Variants in AMPD1 observed in about 807,000 individuals in gnomAD.
AMPD1 encodes the protein AMP deaminase 1.
A neutral mutation model predicts 82.9 loss-of-function variants in AMPD1; 74 were observed. That is an observed-to-expected ratio of 0.89 (90% confidence interval 0.74 to 1.08). The LOEUF is 1.08. Ranked by LOEUF, AMPD1 falls within the 50% of genes least tolerant of loss-of-function variation. The probability of loss-of-function intolerance (pLI) is 0.00; values close to 1 mark genes in which losing one functional copy is unlikely to be tolerated. For synonymous variants in AMPD1, 333 were observed against 320.5 expected, an observed-to-expected ratio of 1.04 and a Z score of -0.42; for missense variants, 881 against 924.5, an observed-to-expected ratio of 0.95 and a Z score of 0.61.
At chr1:114,686,141 A>C (rs1382112757) in intron 4 of AMPD1, among the ~76,000 whole-genome samples, 1 of 152,184 alleles carries the variant, frequency 6.6e-6, no homozygotes, top group Non-Finnish European at 1.5e-5. Context: ...GTCTGTTCCA[A>C]GTAATGATCT....
At chr1:114,682,976 C>T (rs1450169515) in intron 5 of AMPD1, among the ~76,000 whole-genome samples, 1 of 152,094 alleles carries the variant, frequency 6.6e-6, no homozygotes, top group African/African-American at 2.4e-5. Context: ...TATAAAGATG[C>T]TTATTGTACC....
At chr1:114,673,362 A>G (rs931945435) in intron 15 of AMPD1, 90 bp from the exon 16 acceptor site, 47 of 1,452,258 alleles carry the variant, frequency 3.2e-5, no homozygotes, top group Non-Finnish European at 4.3e-5. Flanking sequence ...TTCCTTCCTT[A>G]TGTTAGCCAC....
chr1:114,680,322 G>C lies in AMPD1; in HGVS notation c.704C>G (p.Pro235Arg), dbSNP rs141559920. The C allele has an allele frequency of 1.1e-5, 17 of 1,614,088 alleles. No individual in the cohort carries two copies. The highest frequency in any genetic ancestry group is 1.4e-5 in the Non-Finnish European group (16 of 1,180,052). Residue 235 changes from proline (P) to arginine (R), a missense_variant, in exon 6 of 16, where the codon CCA (proline) becomes CGA (arginine). Physicochemically the swap from Pro to Arg is moderately radical, Grantham distance 103. Around this residue, in one of 2 missense-constraint regions of AMPD1, gnomAD observed 783 missense variants for 786.4 expected, o/e 1.00. Coordinates refer to ENST00000520113, the MANE Select transcript of AMPD1 (RefSeq NM_000036.3). ...SKDEPKPLPY[P>R]NLDTFLDDMN... Reference sequence around the variant, plus strand: ...ATCGTCTAAGAAGGTGTCCAGATTTGGGTAAGGAAGTGGCTTAGGCTCATC... The same window carrying C: ...ATCGTCTAAGAAGGTGTCCAGATTTCGGTAAGGAAGTGGCTTAGGCTCATC...
At chr1:114,692,755 T>TA (rs1491013859) in intron 2 of AMPD1, among the ~76,000 whole-genome samples, 1 of 63,242 alleles carries the variant, frequency 1.6e-5, no homozygotes, top group Non-Finnish European at 3.7e-5. Flanking sequence ...GAACAACAAT[T>TA]TTTTTTTTTT....
chr1:114,693,693 C>T (rs766058492), intron 1 of AMPD1, among the ~76,000 whole-genome samples: 10 of 152,120 alleles, frequency 6.6e-5, no homozygotes, highest in Non-Finnish European at 1.3e-4. Flanking sequence ...AAGGCACTCT[C>T]TATAAAATAT....
chr1:114,683,053 T>A (rs1658209930), intron 5 of AMPD1: 1 of 375,156 alleles, frequency 2.7e-6, no homozygotes, highest in Non-Finnish European at 5.2e-6. Flanking sequence ...AAGTCAATTA[T>A]GTTCCAGTTA....
At chr1:114,692,753 A>ATT (rs10611520) in intron 2 of AMPD1, among the ~76,000 whole-genome samples, 11 of 141,032 alleles carry the variant, frequency 7.8e-5, no homozygotes, top group East Asian at 2.1e-4. Flanking sequence ...ATGAACAACA[A>ATT]TTTTTTTTTT....
In AMPD1 at chr1:114,692,385, A is replaced by G. The variant is rs536142386; in HGVS notation, c.34+1051T>C. ...AATATACAACCAAAGTTATAGTTTT[A>G]TCTCAAATAGGTTTTTAAGGCTGGG... On this transcript the variant is annotated intron_variant, in intron 2 of 15. Transcript: ENST00000520113. 3.9e-5 allele frequency among the ~76,000 whole-genome samples: 6 copies of G among 152,308 alleles called. No homozygotes were observed. In the South Asian group the frequency reaches 1.2e-3, roughly 32 times the overall value.
At chr1:114,687,390 G>A (rs913781094) in intron 3 of AMPD1, among the ~76,000 whole-genome samples, 3 of 152,046 alleles carry the variant, frequency 2.0e-5, no homozygotes, top group African/African-American at 7.2e-5. Context: ...GAACTTATAA[G>A]GTATTTAATA....
chr1:114,674,442 A>G (rs1008483493), intron 13 of AMPD1, among the ~76,000 whole-genome samples: 3 of 152,216 alleles, frequency 2.0e-5, no homozygotes, highest in African/African-American at 4.8e-5. Flanking sequence ...GAAGCATGCT[A>G]TAACAAGAAA....
intron 1 of AMPD1, 163 bp downstream of exon 1, chr1:114,695,287 A>G: frequency 8.7e-7 from 1 of 1,147,866 alleles, no homozygotes; most frequent in Non-Finnish European, 1.2e-6. Context: ...AAACAAACAA[A>G]AAACCCTTGA....
At chr1:114,693,576 C>T (rs1658584841) in intron 1 of AMPD1, 129 bp from the exon 2 acceptor site, 2 of 791,590 alleles carry the variant, frequency 2.5e-6, no homozygotes, top group Non-Finnish European at 2.2e-6. Flanking sequence ...TCCAGCTTGT[C>T]TACAGTTTTC....
chr1:114,686,650 C>T, intron 4 of AMPD1, 95 bp downstream of exon 4: 1 of 1,331,766 alleles, frequency 7.5e-7, no homozygotes, highest in Non-Finnish European at 1.1e-6. Context: ...GAGCTAATAC[C>T]TCCCTCAACA....
At chr1:114,689,638 G>A (rs1201989355) in intron 2 of AMPD1, among the ~76,000 whole-genome samples, 3 of 152,224 alleles carry the variant, frequency 2.0e-5, no homozygotes, top group South Asian at 2.1e-4. Flanking sequence ...CCAACATGGC[G>A]AAACCCTGTC....
At chr1:114,678,858 A>T (rs554466043) in intron 7 of AMPD1, among the ~76,000 whole-genome samples, 1 of 152,352 alleles carries the variant, frequency 6.6e-6, no homozygotes, top group East Asian at 1.9e-4. Context: ...AGTAACTACC[A>T]TAACTTTCAG....
intron 2 of AMPD1, 163 bp from the exon 3 acceptor site, chr1:114,688,904 T>A (rs1557974171): frequency 1.2e-6 from 1 of 809,468 alleles, no homozygotes; most frequent in African/African-American, 1.7e-5. Context: ...CTCCTTTTAG[T>A]GGGTTTCTGT....
rs752339283 is a variant in AMPD1, at chr1:114,673,994, G to T, written c.1889C>A (p.Ala630Asp). 1 of 1,613,936 alleles carries T rather than the reference G, an allele frequency of 6.2e-7. No homozygotes were observed. The part of the protein sequence containing the change: ...LSNNSLFLEY[A>D]KNPFLDFLQK... ...AAGGAAATCCAAAAAAGGATTTTTG[G>T]CATACTCTAGAAATAGGCTATTGTT... Residue 630 changes from alanine (A) to aspartate (D), a missense_variant, in exon 14 of 16, where the codon GCC becomes GAC. Coordinates refer to ENST00000520113, the MANE Select transcript of AMPD1 (RefSeq NM_000036.3).
intron 12 of AMPD1, among the ~76,000 whole-genome samples, chr1:114,675,284 AT>A (rs1657947474): frequency 1.3e-5 from 2 of 152,332 alleles, no homozygotes; most frequent in South Asian, 4.1e-4. Flanking sequence ...TTGCACAATG[AT>A]TAGTATAAAT....
intron 5 of AMPD1, among the ~76,000 whole-genome samples, chr1:114,682,390 TG>T (rs1278556163): frequency 1.3e-5 from 2 of 152,156 alleles, no homozygotes. Context: ...TAATTATTAT[TG>T]AAGCGTAACT....
Sources: allele counts gnomAD v4.1 joint callset (sites outside exome capture counted in the v4.1 genomes callset), GRCh38; gene constraint gnomAD v4.1.1; regional missense constraint gnomAD v4.1.1; transcripts MANE v1.5; gene names NCBI Gene and HGNC (gene_info 2026-07-23, HGNC 2026-07-21).